Variants in STARD3NL observed in about 807,000 individuals in gnomAD.
STARD3NL encodes STARD3 N-terminal like.
STARD3NL carries 17 observed loss-of-function variants against 30.9 expected under a neutral mutation model. That is an observed-to-expected ratio of 0.55 (90% CI 0.38 to 0.82). The LOEUF (loss-of-function observed/expected upper bound fraction) is 0.82, where lower values mean the gene tolerates loss of function less well. Among genes scored for constraint, STARD3NL ranks in the 40% least tolerant of loss-of-function variants. The probability of loss-of-function intolerance (pLI) is 0.00; values close to 1 mark genes in which losing one functional copy is unlikely to be tolerated. For missense variants in STARD3NL, 234 were observed against 277.6 expected, an observed-to-expected ratio of 0.84 and a Z score of 1.12; for synonymous variants, 112 against 100.5, an observed-to-expected ratio of 1.11 and a Z score of -0.69.
At chr7:38,186,272 G>T (rs1222979943) in intron 1 of STARD3NL, among the ~76,000 whole-genome samples, 1 of 152,170 alleles carries the variant, frequency 6.6e-6, no homozygotes, top group Non-Finnish European at 1.5e-5. Context: ...TGGTAACTTC[G>T]CACTAGCCAT....
intron 1 of STARD3NL, among the ~76,000 whole-genome samples, chr7:38,180,440 G>C (rs1281270027): frequency 6.6e-6 from 1 of 152,230 alleles, no homozygotes; most frequent in East Asian, 1.9e-4. Context: ...CCAAATTCTA[G>C]GAAGCTGCAT....
chr7:38,219,526 G>T, intron 6 of STARD3NL, 39 bp from the exon 7 acceptor site: 1 of 1,473,470 alleles, frequency 6.8e-7, no homozygotes, highest in African/African-American at 1.4e-5. Context: ...TACCAGAAAG[G>T]TGACCTCATT....
intron 7 of STARD3NL, among the ~76,000 whole-genome samples, chr7:38,228,481 T>C (rs543022343): frequency 1.3e-5 from 2 of 152,320 alleles, no homozygotes; most frequent in Admixed American, 6.5e-5. Flanking sequence ...TAAAAAAATA[T>C]ATGCAAGCTT....
At chr7:38,219,759 A>G (rs1776646482) in intron 7 of STARD3NL, 99 bp downstream of exon 7, 4 of 923,348 alleles carry the variant, frequency 4.3e-6, no homozygotes, top group Non-Finnish European at 6.9e-6. Context: ...ATACTTAGCT[A>G]ACATCTAACA....
intron 1 of STARD3NL, among the ~76,000 whole-genome samples, chr7:38,192,424 C>A (rs62443317): frequency 0.041 from 6,308 of 152,096 alleles, 181 homozygotes; most frequent in Non-Finnish European, 0.063. Context: ...CAAAGGTTTC[C>A]CTGAGAAAAT....
intron 6 of STARD3NL, among the ~76,000 whole-genome samples, chr7:38,218,259 T>A (rs1417837615): frequency 6.6e-6 from 1 of 152,186 alleles, no homozygotes; most frequent in Non-Finnish European, 1.5e-5. Context: ...TTAAGCATGA[T>A]TATAACTTCA....
intron 2 of STARD3NL, among the ~76,000 whole-genome samples, chr7:38,209,458 G>A (rs1391923992): frequency 6.6e-6 from 1 of 151,940 alleles, no homozygotes; most frequent in Non-Finnish European, 1.5e-5. Context: ...TAATTTTTTT[G>A]TATTTTTAGT....
intron 2 of STARD3NL, 41 bp downstream of exon 2, chr7:38,207,770 C>G (rs1434066413): frequency 2.4e-5 from 38 of 1,570,650 alleles, no homozygotes; most frequent in Non-Finnish European, 3.3e-5. Context: ...AGAAGTGTTT[C>G]CAGAGACAAC....
At chr7:38,223,485 G>A (rs1016979873) in intron 7 of STARD3NL, among the ~76,000 whole-genome samples, 1 of 152,118 alleles carries the variant, frequency 6.6e-6, no homozygotes, top group African/African-American at 2.4e-5. Flanking sequence ...ATGAGGAATT[G>A]CTCAATTGCA....
intron 1 of STARD3NL, chr7:38,201,623 T>C (rs2116155753): frequency 6.6e-6 from 1 of 152,334 alleles, no homozygotes; most frequent in South Asian, 2.1e-4. Flanking sequence ...TTTGAGTTGC[T>C]TTTTCATAAT....
chr7:38,181,389 TA>T (rs1050939096), intron 1 of STARD3NL, among the ~76,000 whole-genome samples: 33 of 152,298 alleles, frequency 2.2e-4, no homozygotes, highest in Admixed American at 1.1e-3. Flanking sequence ...ATGTTATGTT[TA>T]AAAATAAGTC....
chr7:38,195,018 G>C (rs1415593043), intron 1 of STARD3NL, among the ~76,000 whole-genome samples: 1 of 151,784 alleles, frequency 6.6e-6, no homozygotes, highest in African/African-American at 2.4e-5. Flanking sequence ...TGTTCTTTCT[G>C]ATAAAGCATA....
intron 1 of STARD3NL, among the ~76,000 whole-genome samples, chr7:38,183,762 G>C (rs1438411298): frequency 6.6e-6 from 1 of 152,156 alleles, no homozygotes; most frequent in East Asian, 1.9e-4. Context: ...CTAGTTGTAT[G>C]TGAATTGTTT....
chr7:38,229,210 G>T (rs10252428), intron 8 of STARD3NL, among the ~76,000 whole-genome samples: 12,351 of 152,304 alleles, frequency 0.081, 557 homozygotes, highest in African/African-American at 0.1. Flanking sequence ...GCAGTCCTGT[G>T]AGATGCAGGT....
At chr7:38,216,228 G>T (rs1465697186) in intron 4 of STARD3NL, 1 of 152,210 alleles carries the variant, frequency 6.6e-6, no homozygotes, top group African/African-American at 2.4e-5. Context: ...AGTGAGAGCT[G>T]TAAGACAGTA....
Position 38,178,340 on chromosome 7 carries a change from C to G in STARD3NL, c.-139C>G, listed in dbSNP as rs11547100. 6.6e-6 allele frequency: 1 copy of G among 152,156 alleles called. No individual in the cohort carries two copies. The highest frequency in any genetic ancestry group is 1.5e-5 in the Non-Finnish European group (1 of 68,028). 9.4% of individuals were successfully genotyped at this position (152,156 alleles called of 1,614,324 possible). On this transcript the variant is annotated 5_prime_UTR_variant, in exon 1 of 9. Coordinates refer to ENST00000009041, the MANE Select transcript of STARD3NL (RefSeq NM_032016.4). ...GTCCCGGTCACGCCCCGCCAAGCCC[C>G]GCCCCTCAGGCCGGGGCGCGACCGC... is the stretch of plus-strand genomic sequence containing the variant.
At chr7:38,183,521 T>C (rs1410024250) in intron 1 of STARD3NL, among the ~76,000 whole-genome samples, 1 of 152,228 alleles carries the variant, frequency 6.6e-6, no homozygotes. Flanking sequence ...CCTACTCATG[T>C]AGTGATTTCT....
chr7:38,214,729 T>C (rs922964215), intron 3 of STARD3NL, among the ~76,000 whole-genome samples: 2 of 152,244 alleles, frequency 1.3e-5, no homozygotes, highest in Non-Finnish European at 2.9e-5. Context: ...TAGAACCCAT[T>C]GACATATCTA....
At chr7:38,194,533 T>C (rs1784824165) in intron 1 of STARD3NL, among the ~76,000 whole-genome samples, 1 of 152,166 alleles carries the variant, frequency 6.6e-6, no homozygotes, top group African/African-American at 2.4e-5. Context: ...TTCTTTATTT[T>C]AAAAGTAGTA....
Sources: allele counts gnomAD v4.1 joint callset (sites outside exome capture counted in the v4.1 genomes callset), GRCh38; gene constraint gnomAD v4.1.1; transcripts MANE v1.5; gene names NCBI Gene and HGNC (gene_info 2026-07-23, HGNC 2026-07-21).